COL23A1: variants seen among roughly 807,000 people sequenced by gnomAD.
COL23A1 encodes collagen alpha-1(XXIII) chain.
Under a neutral mutation model 99.3 loss-of-function variants are expected in COL23A1, and 97 were observed. That is an observed-to-expected ratio of 0.98 (90% confidence interval 0.83 to 1.16). COL23A1 has a LOEUF of 1.16. COL23A1 is among the 50% of genes most tolerant of loss of function. The pLI is 0.00. For synonymous variants in COL23A1, 320 were observed against 308.2 expected (o/e 1.04, Z -0.40); for missense variants, 762 against 757.4 (o/e 1.01, Z -0.07).
intron 12 of COL23A1, 127 bp downstream of exon 12, chr5:178,259,594 C>T: frequency 3.2e-6 from 3 of 939,458 alleles, no homozygotes; most frequent in Non-Finnish European, 4.7e-6. Flanking sequence ...AGAAGGCCGC[C>T]TTCCCTGTGG....
chr5:178,325,488 C>CT (rs35087291), intron 2 of COL23A1, among the ~76,000 whole-genome samples: 63,017 of 147,978 alleles, frequency 0.43, 13,987 homozygotes, highest in African/African-American at 0.57. Context: ...CTTTCTCCCT[C>CT]TTTTTTTTTT....
intron 2 of COL23A1, chr5:178,523,723 A>C (rs1462353561): frequency 6.6e-6 from 1 of 152,170 alleles, no homozygotes. Flanking sequence ...TCTGAAAAAA[A>C]TTCATTGAAA....
At chr5:178,490,913 C>T (rs1003449719) in intron 2 of COL23A1, among the ~76,000 whole-genome samples, 2 of 152,128 alleles carry the variant, frequency 1.3e-5, no homozygotes, top group African/African-American at 4.8e-5. Flanking sequence ...CCTCGAGGAG[C>T]TTGACTTTAA....
At chr5:178,325,003 A>G (rs887690993) in intron 2 of COL23A1, among the ~76,000 whole-genome samples, 5 of 151,638 alleles carry the variant, frequency 3.3e-5, no homozygotes, top group Non-Finnish European at 7.4e-5. Flanking sequence ...CCTCACAAAC[A>G]CCTCGCGAAG....
intron 2 of COL23A1, among the ~76,000 whole-genome samples, chr5:178,537,643 G>A (rs899381278): frequency 1.3e-5 from 2 of 152,230 alleles, no homozygotes; most frequent in East Asian, 1.9e-4. Flanking sequence ...TCTGCCGAAG[G>A]CGGCTGTGGG....
At chr5:178,553,886 C>T (rs1243161524) in intron 2 of COL23A1, among the ~76,000 whole-genome samples, 1 of 152,168 alleles carries the variant, frequency 6.6e-6, no homozygotes, top group Non-Finnish European at 1.5e-5. Flanking sequence ...TGGCAGCTCC[C>T]GACTGATGGC....
chr5:178,544,374 G>A lies in COL23A1; in HGVS notation c.361+16308C>T, dbSNP rs73344434. ...GGCGGATGCGCACTTCAGGGAGGAC[G>A]CAGGCGCAGGGCCGGGGAGCTGGGA... is the stretch of plus-strand genomic sequence containing the variant. On this transcript the variant is annotated intron_variant, in intron 2 of 28. Coordinates refer to ENST00000390654, the MANE Select transcript of COL23A1 (RefSeq NM_173465.4). The surrounding 1 kb of genome is among the most constrained non-coding windows in gnomAD (Gnocchi z 4.4). Among the ~76,000 whole-genome samples, 9,485 of 152,276 alleles carry A rather than the reference G, an allele frequency of 0.062. 536 individuals are homozygous for A. Among genetic ancestry groups the A allele is most frequent in the Middle Eastern group, 0.17 (51 of 294 alleles).
chr5:178,416,819 G>A (rs1395106873), intron 2 of COL23A1, among the ~76,000 whole-genome samples: 1 of 151,980 alleles, frequency 6.6e-6, no homozygotes, highest in African/African-American at 2.4e-5. Context: ...CCCAGGGCAG[G>A]GGCTGCATTC....
rs1193195550 is a variant in COL23A1, at chr5:178,365,640, G to A, written c.362-58721C>T. Among the ~76,000 whole-genome samples the A allele has an allele frequency of 6.6e-6, 1 of 152,184 alleles. No individual in the cohort carries two copies. Among genetic ancestry groups the A allele is most frequent in the Non-Finnish European group, 1.5e-5 (1 of 68,022 alleles). Reference sequence around the variant, plus strand: ...CCACGGCCCGCCCAGCACCCGCCAGGCATGCAGTGGCCCCTCTCTTCTCCT... The same window carrying A: ...CCACGGCCCGCCCAGCACCCGCCAGACATGCAGTGGCCCCTCTCTTCTCCT... On this transcript the variant is annotated intron_variant, in intron 2 of 28. Transcript: ENST00000390654. The surrounding 1 kb of genome is among the most constrained non-coding windows in gnomAD (Gnocchi z 5.2).
At chr5:178,345,146 G>T in intron 2 of COL23A1, 1 of 640,634 alleles carries the variant, frequency 1.6e-6, no homozygotes, top group Admixed American at 1.9e-5. Context: ...CAATCTCTTG[G>T]CACATTTAGC....
chr5:178,584,308 CCACACACACACA>C (rs4045513), intron 1 of COL23A1, among the ~76,000 whole-genome samples: 6 of 145,140 alleles, frequency 4.1e-5, no homozygotes, highest in Admixed American at 1.4e-4. Context: ...CTGCACCTGG[CCACACACACACA>C]CACACACACA....
intron 2 of COL23A1, among the ~76,000 whole-genome samples, chr5:178,559,002 C>T (rs1361202235): frequency 6.6e-6 from 1 of 152,172 alleles, no homozygotes; most frequent in African/African-American, 2.4e-5. Flanking sequence ...GTTGGCCAGA[C>T]TGCTCTCGAA....
intron 2 of COL23A1, among the ~76,000 whole-genome samples, chr5:178,530,696 C>T (rs1377458977): frequency 6.6e-6 from 1 of 151,620 alleles, no homozygotes; most frequent in South Asian, 2.1e-4. Context: ...CAGCTCCCTC[C>T]GGCTGAGGTC....
At chr5:178,438,085 C>T (rs1370277298) in intron 2 of COL23A1, among the ~76,000 whole-genome samples, 1 of 152,248 alleles carries the variant, frequency 6.6e-6, no homozygotes, top group Non-Finnish European at 1.5e-5. Context: ...GGGCACAGCT[C>T]CTCTGTGGCA....
intron 2 of COL23A1, among the ~76,000 whole-genome samples, chr5:178,471,579 C>T (rs140072400): frequency 7.8e-4 from 119 of 152,210 alleles, no homozygotes; most frequent in African/African-American, 2.5e-3. Flanking sequence ...CATCTCTGGG[C>T]CTTGCTGGCC....
intron 2 of COL23A1, among the ~76,000 whole-genome samples, chr5:178,413,901 G>C (rs1032822072): frequency 6.6e-6 from 1 of 152,210 alleles, no homozygotes; most frequent in Non-Finnish European, 1.5e-5. Flanking sequence ...TCTATCCAAT[G>C]TCTGTTTCCA....
intron 2 of COL23A1, among the ~76,000 whole-genome samples, chr5:178,481,099 G>T (rs1324950158): frequency 7.7e-6 from 1 of 129,542 alleles, no homozygotes; most frequent in Non-Finnish European, 1.5e-5. Context: ...AGCGAGCCGA[G>T]ATCGCACCAC....
At chr5:178,268,360 T>C (rs992211826) in intron 7 of COL23A1, among the ~76,000 whole-genome samples, 17 of 152,154 alleles carry the variant, frequency 1.1e-4, no homozygotes, top group African/African-American at 4.1e-4. Flanking sequence ...GTCTTCCTGA[T>C]GGGTGTCCTC....
intron 3 of COL23A1, among the ~76,000 whole-genome samples, chr5:178,301,255 C>T (rs533744312): frequency 1.1e-3 from 164 of 152,286 alleles, no homozygotes; most frequent in Non-Finnish European, 6.9e-4. Context: ...TACTTTGCAC[C>T]TCCAGAATTT....
Sources: allele counts gnomAD v4.1 joint callset (sites outside exome capture counted in the v4.1 genomes callset), GRCh38; gene constraint gnomAD v4.1.1; non-coding constraint Gnocchi (gnomAD v3.1); transcripts MANE v1.5; gene names NCBI Gene and HGNC (gene_info 2026-07-23, HGNC 2026-07-21).